Variants in PID1 observed in about 807,000 individuals in gnomAD.
PID1 encodes PTB-containing, cubilin and LRP1-interacting protein.
Under a neutral mutation model 19.1 loss-of-function variants are expected in PID1, and 10 were observed. That is an observed-to-expected ratio of 0.52 (90% CI 0.32 to 0.89). The LOEUF is 0.89. Ranked by LOEUF, PID1 falls within the 40% of genes least tolerant of loss-of-function variation. The pLI is 0.03. For missense variants in PID1, 248 were observed against 285.3 expected (o/e 0.87, Z 0.94); for synonymous variants, 130 against 116.0 (o/e 1.12, Z -0.78).
At chr2:229,138,510 C>A (rs1249657976) in intron 2 of PID1, among the ~76,000 whole-genome samples, 1 of 152,004 alleles carries the variant, frequency 6.6e-6, no homozygotes, top group African/African-American at 2.4e-5. Flanking sequence ...TACCCAGTGG[C>A]CCAAGGTCTA....
intron 1 of PID1, among the ~76,000 whole-genome samples, chr2:229,167,539 A>G (rs1690624862): frequency 6.6e-6 from 1 of 152,140 alleles, no homozygotes; most frequent in Non-Finnish European, 1.5e-5. Flanking sequence ...CTCTTCAAAA[A>G]CGTTACAGTT....
chr2:229,038,723 G>A (rs900357978), intron 2 of PID1, among the ~76,000 whole-genome samples: 3 of 151,752 alleles, frequency 2.0e-5, no homozygotes, highest in Admixed American at 6.6e-5. Flanking sequence ...AATATGACAG[G>A]GTAGACAATA....
chr2:229,163,675 G>GTA (rs751757150), intron 1 of PID1, among the ~76,000 whole-genome samples: 1 of 20,104 alleles, frequency 5.0e-5, no homozygotes, highest in Admixed American at 9.2e-4. Context: ...GTGTGTGTGT[G>GTA]CGTGTGCGTG....
At chr2:229,244,658 C>A (rs1177346981) in intron 1 of PID1, among the ~76,000 whole-genome samples, 2 of 152,084 alleles carry the variant, frequency 1.3e-5, no homozygotes, top group East Asian at 3.9e-4. Context: ...CCAAATAATG[C>A]ATTTATTACA....
chr2:229,208,208 A>G (rs1691650513), intron 1 of PID1, among the ~76,000 whole-genome samples: 1 of 152,178 alleles, frequency 6.6e-6, no homozygotes, highest in Non-Finnish European at 1.5e-5. Context: ...CTTCGTTGCA[A>G]AATAGAAGAG....
At chr2:229,232,527 CT>C (rs1374217836) in intron 1 of PID1, among the ~76,000 whole-genome samples, 1 of 141,300 alleles carries the variant, frequency 7.1e-6, no homozygotes, top group Non-Finnish European at 1.5e-5. Context: ...CACATTTAAA[CT>C]ATAGCACTCC....
At chr2:229,242,819 T>G (rs560582455) in intron 1 of PID1, among the ~76,000 whole-genome samples, 3 of 152,230 alleles carry the variant, frequency 2.0e-5, no homozygotes, top group Admixed American at 2.0e-4. Flanking sequence ...CTATAAAATG[T>G]TGTGCTATAG....
At chr2:229,253,170 C>T (rs1457874351) in intron 1 of PID1, among the ~76,000 whole-genome samples, 5 of 152,178 alleles carry the variant, frequency 3.3e-5, no homozygotes, top group Non-Finnish European at 7.3e-5. Flanking sequence ...AGAAATGAAG[C>T]TCAGACAGAC....
At chr2:229,158,012 C>A (rs1690414825) in intron 1 of PID1, among the ~76,000 whole-genome samples, 2 of 152,254 alleles carry the variant, frequency 1.3e-5, no homozygotes, top group South Asian at 4.1e-4. Flanking sequence ...TTTCACTGTT[C>A]CGACAAAAAC....
chr2:229,142,680 A>C (rs1272964540), intron 2 of PID1, among the ~76,000 whole-genome samples: 5 of 152,200 alleles, frequency 3.3e-5, no homozygotes, highest in African/African-American at 1.2e-4. Flanking sequence ...GGCAATCATT[A>C]AAAAGTCAGG....
At chr2:229,194,923 C>T (rs17580053) in intron 1 of PID1, among the ~76,000 whole-genome samples, 3 of 139,294 alleles carry the variant, frequency 2.2e-5, no homozygotes, top group African/African-American at 7.8e-5. Context: ...AATCTCATTG[C>T]TATAAAAAAA....
At position 229,142,133 on chromosome 2, in the gene PID1, C is replaced by T. The variant is rs377459913; in HGVS notation, c.177+13685G>A. On this transcript the variant is annotated intron_variant, in intron 2 of 2. Transcript: ENST00000392055. ...TTTCTCTATAGTTCATTGACCTCTACATTCAAACCTGGGGCGGGGGCTGTA... is the reference window on the plus strand; with the variant it reads ...TTTCTCTATAGTTCATTGACCTCTATATTCAAACCTGGGGCGGGGGCTGTA... Among the ~76,000 whole-genome samples the T allele has an allele frequency of 1.4e-4, 22 of 152,236 alleles. No homozygotes were observed. In the South Asian group the frequency reaches 3.5e-3, roughly 24 times the overall value.
chr2:229,215,403 C>T (rs1691823934), intron 1 of PID1, among the ~76,000 whole-genome samples: 1 of 152,184 alleles, frequency 6.6e-6, no homozygotes, highest in South Asian at 2.1e-4. Flanking sequence ...AGTCAAATGT[C>T]TTGCAATACA....
intron 1 of PID1, among the ~76,000 whole-genome samples, chr2:229,163,680 T>TGTGTGTGTGTGTGTGTGTGCGCGC (rs1365270238): frequency 1.9e-5 from 2 of 103,714 alleles, no homozygotes; most frequent in Non-Finnish European, 5.0e-5. Context: ...TGTGTGCGTG[T>TGTGTGTGTGTGTGTGTGTGCGCGC]GCGTGTGTGT....
chr2:229,057,977 G>C (rs768051933), intron 2 of PID1, among the ~76,000 whole-genome samples: 7 of 152,218 alleles, frequency 4.6e-5, no homozygotes, highest in Non-Finnish European at 1.0e-4. Context: ...AAAGCAATTA[G>C]AAATGCAAAG....
chr2:229,207,665 C>CA (rs1276746470), intron 1 of PID1, among the ~76,000 whole-genome samples: 1 of 151,602 alleles, frequency 6.6e-6, no homozygotes. Context: ...GATCACTTGA[C>CA]AAAAATTCAG....
intron 2 of PID1, among the ~76,000 whole-genome samples, chr2:229,139,134 AAAGAAAGAAAGAAAGC>A (rs1559251931): frequency 2.5e-5 from 3 of 117,976 alleles, no homozygotes; most frequent in African/African-American, 9.8e-5. Context: ...AGAAAGAAAG[AAAGAAAGAAAGAAAGC>A]AAGCGAGCGA....
intron 2 of PID1, among the ~76,000 whole-genome samples, chr2:229,055,243 T>C (rs1283079490): frequency 6.6e-6 from 1 of 152,216 alleles, no homozygotes; most frequent in East Asian, 1.9e-4. Flanking sequence ...TCCCTCGACA[T>C]GGCCTCCTTT....
At chr2:229,109,736 G>A (rs1055401683) in intron 2 of PID1, among the ~76,000 whole-genome samples, 2 of 152,176 alleles carry the variant, frequency 1.3e-5, no homozygotes, top group African/African-American at 4.8e-5. Context: ...AGAAATCGAT[G>A]TAACACCTGG....
Sources: allele counts gnomAD v4.1 joint callset (sites outside exome capture counted in the v4.1 genomes callset), GRCh38; gene constraint gnomAD v4.1.1; transcripts MANE v1.5; gene names NCBI Gene and HGNC (gene_info 2026-07-23, HGNC 2026-07-21).